The following ARB2A variants were observed in gnomAD, a reference collection of about 807,000 sequenced individuals.
ARB2A encodes cotranscriptional regulator ARB2A.
the ARB2A span, among the ~76,000 whole-genome samples, chr5:94,051,560 T>C: frequency 6.6e-6 from 1 of 152,188 alleles, no homozygotes; most frequent in African/African-American, 2.4e-5. Flanking sequence ...ATCTGGTCAT[T>C]TCCCCCAGGT....
chr5:94,054,723 G>C, the ARB2A span, among the ~76,000 whole-genome samples: 1 of 152,006 alleles, frequency 6.6e-6, no homozygotes, highest in Admixed American at 6.6e-5. Flanking sequence ...CCATAGCAAA[G>C]AACACCTAAA....
the ARB2A span, among the ~76,000 whole-genome samples, chr5:93,806,122 C>T: frequency 6.6e-6 from 1 of 151,650 alleles, no homozygotes; most frequent in Non-Finnish European, 1.5e-5. Context: ...TATACAATTC[C>T]AATTCAGAGA....
At chr5:93,641,018 G>A in the ARB2A span, among the ~76,000 whole-genome samples, 3 of 151,798 alleles carry the variant, frequency 2.0e-5, no homozygotes, top group Non-Finnish European at 2.9e-5. Flanking sequence ...TGATCAACAT[G>A]GTGAAACCCC....
At chr5:93,726,246 C>G in the ARB2A span, among the ~76,000 whole-genome samples, 1 of 151,956 alleles carries the variant, frequency 6.6e-6, no homozygotes, top group Non-Finnish European at 1.5e-5. Context: ...TGGACATATT[C>G]AAAACTCTTC....
the ARB2A span, among the ~76,000 whole-genome samples, chr5:94,066,422 G>GCACACACACACA: frequency 9.8e-5 from 13 of 132,436 alleles, no homozygotes; most frequent in African/African-American, 2.7e-4. Context: ...GCCAGACTAA[G>GCACACACACACA]CACACACACA....
chr5:93,936,725 A>G, the ARB2A span, among the ~76,000 whole-genome samples: 4 of 152,122 alleles, frequency 2.6e-5, no homozygotes, highest in African/African-American at 9.7e-5. Context: ...CCTTTTTATG[A>G]CCATAATTCT....
chr5:94,007,081 G>A, the ARB2A span, among the ~76,000 whole-genome samples: 2 of 152,092 alleles, frequency 1.3e-5, no homozygotes, highest in Non-Finnish European at 2.9e-5. Context: ...ATAAGACAAA[G>A]AGTCAGAAAT....
At chr5:93,837,475 C>G in the ARB2A span, among the ~76,000 whole-genome samples, 4 of 152,126 alleles carry the variant, frequency 2.6e-5, no homozygotes, top group African/African-American at 9.6e-5. Context: ...ATCCAATATA[C>G]CCAAAGGAAT....
the ARB2A span, among the ~76,000 whole-genome samples, chr5:93,744,434 C>CAAA: frequency 0.03 from 435 of 14,530 alleles, 87 homozygotes; most frequent in Middle Eastern, 0.083. Context: ...GACTCAGTCT[C>CAAA]AAAAAAAAAA....
At chr5:94,103,887 A>C in the ARB2A span, among the ~76,000 whole-genome samples, 1 of 152,050 alleles carries the variant, frequency 6.6e-6, no homozygotes, top group Non-Finnish European at 1.5e-5. Context: ...GTGGAAATTA[A>C]ACAATCTGTT....
At chr5:93,854,887 C>G in the ARB2A span, among the ~76,000 whole-genome samples, 7 of 152,012 alleles carry the variant, frequency 4.6e-5, no homozygotes, top group African/African-American at 9.7e-5. Flanking sequence ...ACTATGTGGT[C>G]AATTTTGGAA....
the ARB2A span, among the ~76,000 whole-genome samples, chr5:93,848,691 T>C: frequency 6.6e-6 from 1 of 152,172 alleles, no homozygotes; most frequent in Non-Finnish European, 1.5e-5. Context: ...AATAAAACTG[T>C]AATCATTTTA....
the ARB2A span, among the ~76,000 whole-genome samples, chr5:94,072,938 C>A: frequency 6.6e-6 from 1 of 152,078 alleles, no homozygotes; most frequent in Admixed American, 6.6e-5. Context: ...TAACCCCGCT[C>A]ATCTTGAGTT....
At chr5:93,723,351 T>C in the ARB2A span, among the ~76,000 whole-genome samples, 8 of 152,258 alleles carry the variant, frequency 5.3e-5, no homozygotes, top group African/African-American at 1.7e-4. Context: ...ACTGGTATTG[T>C]TGGCACCAGT....
At chr5:93,830,311 G>GTGTGTGTGTGTGTGTATA in the ARB2A span, among the ~76,000 whole-genome samples, 2 of 82,270 alleles carry the variant, frequency 2.4e-5, no homozygotes, top group African/African-American at 1.0e-4. Flanking sequence ...GTGTGTGTGT[G>GTGTGTGTGTGTGTGTATA]TATATATATA....
the ARB2A span, among the ~76,000 whole-genome samples, chr5:93,771,509 T>G: frequency 6.6e-6 from 1 of 151,182 alleles, no homozygotes; most frequent in Non-Finnish European, 1.5e-5. Flanking sequence ...ACCATCAGAG[T>G]GAACAGGCAA....
the ARB2A span, among the ~76,000 whole-genome samples, chr5:94,102,095 C>T: frequency 3.4e-5 from 5 of 148,646 alleles, no homozygotes; most frequent in South Asian, 1.1e-3. Flanking sequence ...ATTAATAATT[C>T]CAAAGTAAAA....
the ARB2A span, chr5:93,737,665 G>A: frequency 1.4e-5 from 3 of 219,692 alleles, no homozygotes; most frequent in South Asian, 1.6e-4. Flanking sequence ...AGAGAGTTGA[G>A]AGCCCAGAAA....
At chr5:94,083,292 T>A in the ARB2A span, among the ~76,000 whole-genome samples, 1 of 152,176 alleles carries the variant, frequency 6.6e-6, no homozygotes. Context: ...ATTTTACAAG[T>A]AGACTTCTCC....
Sources: allele counts gnomAD v4.1 joint callset (sites outside exome capture counted in the v4.1 genomes callset), GRCh38; gene constraint gnomAD v4.1.1; transcripts MANE v1.5; gene names NCBI Gene and HGNC (gene_info 2026-07-23, HGNC 2026-07-21).